TRIM11: variants seen among roughly 807,000 people sequenced by gnomAD.
TRIM11 encodes the protein E3 ubiquitin-protein ligase TRIM11.
In TRIM11, 15 loss-of-function variants were observed where a neutral mutation model predicts 33.4. That is an observed-to-expected ratio of 0.45 (90% CI 0.30 to 0.69). The LOEUF is 0.69. Among genes scored for constraint, TRIM11 ranks in the 30% least tolerant of loss-of-function variants. The pLI is 0.08. For missense variants in TRIM11, 499 were observed against 667.6 expected (o/e 0.75, Z 2.78); for synonymous variants, 281 against 302.6 (o/e 0.93, Z 0.74).
Position 228,406,698 on chromosome 1 carries a change from G to C in TRIM11, c.-137C>G. On this transcript the variant is annotated 5_prime_UTR_variant, in exon 1 of 6. Coordinates refer to ENST00000284551, the MANE Select transcript of TRIM11 (RefSeq NM_145214.3). The surrounding 1 kb of genome is among the most constrained non-coding windows in gnomAD (Gnocchi z 8.2). Reference sequence around the variant, plus strand: ...CCGGGGCGCGAGGCTCGGGACTCCCGGGTGCTCGGGCTCCGGGGCGCGGGG... The same window carrying C: ...CCGGGGCGCGAGGCTCGGGACTCCCCGGTGCTCGGGCTCCGGGGCGCGGGG... 2 of 832,382 alleles carry C rather than the reference G, an allele frequency of 2.4e-6. No individual in the cohort carries two copies. Among genetic ancestry groups the C allele is most frequent in the Non-Finnish European group, 3.2e-6 (2 of 616,702 alleles). 51.6% of individuals were successfully genotyped at this position (832,382 alleles called of 1,614,324 possible).
At position 228,395,462 on chromosome 1, in the gene TRIM11, G is replaced by C. The variant is rs1414509537; in HGVS notation, c.860-210C>G. Reference sequence around the variant, plus strand: ...GCTACGTCCAGTTGCAACTTACAATGTCCTACAAATTGGTCCATGTTTTGC... The same window carrying C: ...GCTACGTCCAGTTGCAACTTACAATCTCCTACAAATTGGTCCATGTTTTGC... On this transcript the variant is annotated intron_variant, in intron 5 of 5. Coordinates refer to ENST00000284551, the MANE Select transcript of TRIM11 (RefSeq NM_145214.3). The surrounding 1 kb of genome is among the most constrained non-coding windows in gnomAD (Gnocchi z 4.8). 1 of 428,000 alleles carries C rather than the reference G, an allele frequency of 2.3e-6. No individual in the cohort carries two copies. Among genetic ancestry groups the C allele is most frequent in the African/African-American group, 2.0e-5 (1 of 48,942 alleles). 26.5% of individuals were successfully genotyped at this position (428,000 alleles called of 1,614,324 possible).
At chr1:228,396,359 T>C (rs2074986949) in intron 5 of TRIM11, 1 of 391,214 alleles carries the variant, frequency 2.6e-6, no homozygotes. Flanking sequence ...GCTCAGGGAG[T>C]TTCCAGGTTG....
At position 228,406,742 on chromosome 1, in the gene TRIM11, C is replaced by G; in HGVS notation, c.-181G>C. On this transcript the variant is annotated 5_prime_UTR_variant, in exon 1 of 6. Transcript: ENST00000284551. This position sits in a 1 kb window ranked among gnomAD's most constrained non-coding sequence, Gnocchi z 8.2. ...CGCGGGGACTCCAGGGCGCAGGACT[C>G]TGGGTTTCGGTAGCGCTGGGCGCGT... is the stretch of plus-strand genomic sequence containing the variant. 1 of 478,516 alleles carries G rather than the reference C, an allele frequency of 2.1e-6. No individual in the cohort carries two copies. The highest frequency in any genetic ancestry group is 3.3e-6 in the Non-Finnish European group (1 of 305,554). The allele number at this position is 478,516 out of a possible 1,614,324, so 29.6% of individuals were successfully genotyped here. A position where few individuals can be genotyped will look rare whatever the true frequency, so the allele number is the denominator to read the frequency against.
At position 228,395,122 on chromosome 1, in the gene TRIM11, G is replaced by A. The variant is rs201742654; in HGVS notation, c.990C>T (p.Cys330=). 44 of 1,584,064 alleles carry A rather than the reference G, an allele frequency of 2.8e-5. No homozygotes were observed. The highest frequency in any genetic ancestry group is 1.7e-4 in the Middle Eastern group (1 of 5,960). Reference sequence around the variant, plus strand: ...AGGTGAAGCGCTCCTGGCCCAGCACGCAGGGGCCGGGGTCAAAGCGCTCTG... The same window carrying A: ...AGGTGAAGCGCTCCTGGCCCAGCACACAGGGGCCGGGGTCAAAGCGCTCTG... The part of the protein sequence containing the change: ...DSPERFDPGP[C]VLGQERFTSG... Residue 330 remains cysteine, a synonymous_variant, in exon 6 of 6, where the codon TGC becomes TGT. Transcript: ENST00000284551. This position sits in a 1 kb window ranked among gnomAD's most constrained non-coding sequence, Gnocchi z 4.8.
At chr1:228,396,307 A>G (rs902537342) in intron 5 of TRIM11, 2 of 269,506 alleles carry the variant, frequency 7.4e-6, no homozygotes, top group Non-Finnish European at 1.4e-5. Flanking sequence ...AATCATAACC[A>G]TGTAATGGAA....
intron 1 of TRIM11, chr1:228,404,527 C>T (rs892030611): frequency 3.9e-5 from 6 of 152,254 alleles, no homozygotes; most frequent in Non-Finnish European, 8.8e-5. Flanking sequence ...AACAGGATGT[C>T]ATCCCCAAAT....
At chr1:228,398,930 C>T (rs1026614639) in intron 3 of TRIM11, among the ~76,000 whole-genome samples, 7 of 152,056 alleles carry the variant, frequency 4.6e-5, no homozygotes, top group African/African-American at 1.7e-4. Flanking sequence ...GGTTTGGTCT[C>T]TGCACAGAAC....
intron 3 of TRIM11, chr1:228,397,387 G>C: frequency 1.7e-6 from 1 of 599,704 alleles, no homozygotes; most frequent in Admixed American, 3.1e-5. Context: ...TCACCAATGG[G>C]GTGCAGCCCA....
chr1:228,406,549 C>CG lies in TRIM11; in HGVS notation c.12dup (p.Asp5ArgfsTer69). 6.5e-7 allele frequency: 1 copy of CG among 1,537,010 alleles called. No homozygotes were observed. Among genetic ancestry groups the CG allele is most frequent in the Non-Finnish European group, 8.8e-7 (1 of 1,138,620 alleles). On this transcript the variant is annotated frameshift_variant, in exon 1 of 6. Coordinates refer to ENST00000284551, the MANE Select transcript of TRIM11 (RefSeq NM_145214.3). LOFTEE classifies it high-confidence loss of function. This position sits in a 1 kb window ranked among gnomAD's most constrained non-coding sequence, Gnocchi z 8.2. ...TCCTCCTGGAGGTTGGTGGACAGGT[C>CG]GGGGGCGGCCATGGCGCGGACAGAG... is the stretch of plus-strand genomic sequence containing the variant.
intron 3 of TRIM11, among the ~76,000 whole-genome samples, chr1:228,399,585 C>T (rs1171644250): frequency 6.6e-6 from 1 of 152,070 alleles, no homozygotes; most frequent in African/African-American, 2.4e-5. Flanking sequence ...AACACCTGTC[C>T]TCTCTGCCCT....
chr1:228,397,155 T>C lies in TRIM11; in HGVS notation c.746A>G (p.Asp249Gly), dbSNP rs2074994081. ...PALGLLQDIK[D>G]ALRRVQDVKL... The stretch of plus-strand genomic sequence containing the variant: ...GCTGGGTTCGTACCTGCGCAGGGCG[T>C]CCTTGATGTCCTATGTGGGGAGGAG... The change falls in exon 4 of 6, where the codon GAC becomes GGC. Residue 249 changes from aspartate to glycine, a missense_variant. Transcript: ENST00000284551. 8 of 1,613,186 alleles carry C rather than the reference T, an allele frequency of 5.0e-6. No homozygotes were observed. Among genetic ancestry groups the C allele is most frequent in the African/African-American group, 1.3e-5 (1 of 74,926 alleles).
chr1:228,406,759 T>C lies in TRIM11; in HGVS notation c.-198A>G. 6.3e-6 allele frequency: 2 copies of C among 315,218 alleles called. No homozygotes were observed. Among genetic ancestry groups the C allele is most frequent in the Non-Finnish European group, 1.0e-5 (2 of 195,174 alleles). The allele number at this position is 315,218 out of a possible 1,614,324, so 19.5% of individuals were successfully genotyped here. ...GCAGGACTCTGGGTTTCGGTAGCGC[T>C]GGGCGCGTAGGCTCCGAGCGCTCGG... On this transcript the variant is annotated 5_prime_UTR_variant, in exon 1 of 6. Coordinates refer to ENST00000284551, the MANE Select transcript of TRIM11 (RefSeq NM_145214.3). The surrounding 1 kb of genome is among the most constrained non-coding windows in gnomAD (Gnocchi z 8.2).
rs1348254960 is a variant in TRIM11 at position 228,401,968 on chromosome 1, G to A, written c.504+98C>T. On this transcript the variant is annotated intron_variant, in intron 2 of 5. Coordinates refer to ENST00000284551, the MANE Select transcript of TRIM11 (RefSeq NM_145214.3). The surrounding 1 kb of genome is among the most constrained non-coding windows in gnomAD (Gnocchi z 6.1). ...CAGTGACTGGTCCTGGGGCGCCAAG[G>A]GCAAGTGTGCCTGGCCAGCATCGCC... 1 of 958,626 alleles carries A rather than the reference G, an allele frequency of 1.0e-6. No individual in the cohort carries two copies. Among genetic ancestry groups the A allele is most frequent in the Non-Finnish European group, 1.5e-6 (1 of 661,274 alleles). 59.4% of individuals were successfully genotyped at this position (958,626 alleles called of 1,614,324 possible).
intron 1 of TRIM11, chr1:228,405,899 C>T: frequency 2.4e-6 from 1 of 411,974 alleles, no homozygotes; most frequent in Non-Finnish European, 4.2e-6. Context: ...GCCCCTCACC[C>T]CCGAGAGCAG....
At position 228,406,042 on chromosome 1, in the gene TRIM11, C is replaced by A; in HGVS notation, c.408+112G>T. Reference sequence around the variant, plus strand: ...CAGGCTGCATCCTGAGCTCCCCGCCCTAGACAGAGACAGATTACTCCCGGA... The same window carrying A: ...CAGGCTGCATCCTGAGCTCCCCGCCATAGACAGAGACAGATTACTCCCGGA... On this transcript the variant is annotated intron_variant, in intron 1 of 5. Coordinates refer to ENST00000284551, the MANE Select transcript of TRIM11 (RefSeq NM_145214.3). This position sits in a 1 kb window ranked among gnomAD's most constrained non-coding sequence, Gnocchi z 8.2. The A allele has an allele frequency of 8.1e-7, 1 of 1,235,846 alleles. No homozygotes were observed. 76.6% of individuals were successfully genotyped at this position (1,235,846 alleles called of 1,614,324 possible).
In TRIM11 at chr1:228,406,619, G is replaced by C; in HGVS notation, c.-58C>G. On this transcript the variant is annotated 5_prime_UTR_variant, in exon 1 of 6. Transcript: ENST00000284551. The surrounding 1 kb of genome is among the most constrained non-coding windows in gnomAD (Gnocchi z 8.2). ...CCGCGGGGCGGCGGCGGGCGGCCTC[G>C]GCAGCTCGCGGGGACGCGGGGTATC... The C allele has an allele frequency of 7.3e-7, 1 of 1,373,546 alleles. No individual in the cohort carries two copies. The highest frequency in any genetic ancestry group is 1.8e-5 in the South Asian group (1 of 55,266). 85.1% of individuals were successfully genotyped at this position (1,373,546 alleles called of 1,614,324 possible). A position where few individuals can be genotyped will look rare whatever the true frequency, so the allele number is the denominator to read the frequency against.
rs144813618 is a variant in TRIM11, at chr1:228,396,668, T to C, written c.859+279A>G. ...AGCCCTTAATCTGTGGGGTCTGTAC[T>C]AACTCCTGTAGTGTCAGCACTGGCA... is the stretch of plus-strand genomic sequence containing the variant. On this transcript the variant is annotated intron_variant, in intron 5 of 5. Transcript: ENST00000284551. 1.5e-3 allele frequency: 1,056 copies of C among 717,174 alleles called. 3 individuals are homozygous for C. The African/African-American group carries it at 0.016, about 11-fold the overall frequency. 44.4% of individuals were successfully genotyped at this position (717,174 alleles called of 1,614,324 possible).
chr1:228,394,492 T>G lies in TRIM11; in HGVS notation c.*213A>C. ...AAGTGGCACCCGGTGGCTGGAGGGG[T>G]CTCCCAGGGAGGACGGAGCCTGCCC... On this transcript the variant is annotated 3_prime_UTR_variant, in exon 6 of 6. Transcript: ENST00000284551. The surrounding 1 kb of genome is among the most constrained non-coding windows in gnomAD (Gnocchi z 6.2). 1.8e-6 allele frequency: 1 copy of G among 562,510 alleles called. No homozygotes were observed. The highest frequency in any genetic ancestry group is 3.0e-6 in the Non-Finnish European group (1 of 333,056). 34.8% of individuals were successfully genotyped at this position (562,510 alleles called of 1,614,324 possible).
chr1:228,399,078 G>A (rs2075009552), intron 3 of TRIM11, among the ~76,000 whole-genome samples: 1 of 152,098 alleles, frequency 6.6e-6, no homozygotes, highest in Non-Finnish European at 1.5e-5. Context: ...GAGCCCCAGT[G>A]GGTGGATTCC....
Sources: gnomAD v4.1 joint callset for allele counts (sites outside exome capture counted in the v4.1 genomes callset) on GRCh38, gnomAD v4.1.1 for gene constraint, Gnocchi (gnomAD v3.1) non-coding constraint, MANE v1.5 for transcripts, NCBI Gene and HGNC (gene_info 2026-07-23, HGNC 2026-07-21) for gene names.